MYOCD: variants seen among roughly 807,000 people sequenced by gnomAD.
MYOCD encodes myocardin.
MYOCD carries 32 observed loss-of-function variants against 96.1 expected under a neutral mutation model. The observed-to-expected ratio is 0.33, with a 90% CI of 0.25 to 0.45. The LOEUF is 0.45. Among genes scored for constraint, MYOCD ranks in the 20% least tolerant of loss-of-function variants. The pLI, the probability that MYOCD is intolerant of heterozygous loss-of-function variation, is 1.00. For synonymous variants in MYOCD, 469 were observed against 469.0 expected (o/e 1.00, Z 0.00); for missense variants, 1,133 against 1,200.6 (o/e 0.94, Z 0.83).
chr17:12,717,470 C>G, intron 4 of MYOCD, 49 bp downstream of exon 4: 1 of 1,450,454 alleles, frequency 6.9e-7, no homozygotes, highest in Non-Finnish European at 9.7e-7. Context: ...GAATGGTGGG[C>G]CATTTTCCCA....
At chr17:12,699,717 G>C (rs2030965514) in intron 1 of MYOCD, among the ~76,000 whole-genome samples, 1 of 152,048 alleles carries the variant, frequency 6.6e-6, no homozygotes, top group African/African-American at 2.4e-5. Flanking sequence ...AATTAAAGGA[G>C]CTTAAATTTG....
Position 12,760,643 on chromosome 17 carries a change from G to C in MYOCD, c.2332-7G>C, listed in dbSNP as rs751872341. ...TTGTCTGTCCTCCTTTGGTTAATTT[G>C]TAATAGCAAATGACCCGGAGTCAGC... On this transcript the variant is annotated splice_polypyrimidine_tract_variant and splice_region_variant and intron_variant, in intron 12 of 13. Coordinates refer to ENST00000425538, the MANE Select transcript of MYOCD (RefSeq NM_001146312.3). 2.5e-6 allele frequency: 4 copies of C among 1,613,280 alleles called. No homozygotes were observed. In the East Asian group the frequency reaches 6.7e-5, roughly 27 times the overall value.
intron 5 of MYOCD, among the ~76,000 whole-genome samples, chr17:12,732,554 A>G (rs35712872): frequency 0.2 from 30,208 of 152,032 alleles, 3,428 homozygotes; most frequent in Middle Eastern, 0.29. Flanking sequence ...AGATACAAGG[A>G]TCTCCTTTCT....
At chr17:12,688,807 C>G (rs1266290272) in intron 1 of MYOCD, among the ~76,000 whole-genome samples, 2 of 151,802 alleles carry the variant, frequency 1.3e-5, no homozygotes, top group African/African-American at 2.4e-5. Context: ...CCCTGGGTGG[C>G]AGCCCATGAT....
intron 1 of MYOCD, among the ~76,000 whole-genome samples, chr17:12,704,403 T>C (rs1446400555): frequency 6.6e-6 from 1 of 152,224 alleles, no homozygotes; most frequent in East Asian, 1.9e-4. Flanking sequence ...ATGATATGTA[T>C]AATCTATTTG....
chr17:12,754,402 G>A (rs1186041837), intron 10 of MYOCD, among the ~76,000 whole-genome samples: 4 of 152,176 alleles, frequency 2.6e-5, no homozygotes, highest in South Asian at 4.1e-4. Flanking sequence ...ATGCCCAGCC[G>A]GAAATTTGCA....
chr17:12,749,683 A>G (rs1363820910), intron 9 of MYOCD, among the ~76,000 whole-genome samples: 4 of 148,314 alleles, frequency 2.7e-5, no homozygotes, highest in Non-Finnish European at 4.5e-5. Flanking sequence ...ATACACATAC[A>G]TATGTGTATA....
At position 12,736,992 on chromosome 17, in the gene MYOCD, C is replaced by T. The variant is rs532890168; in HGVS notation, c.591+656C>T. On this transcript the variant is annotated intron_variant, in intron 6 of 13. Transcript: ENST00000425538. ...ATTATGGGCTGGGCACGGTGGCTCA[C>T]GCCTGCAATCCCGGCACTTTGGGAG... Among the ~76,000 whole-genome samples, 325 of 152,344 alleles carry T rather than the reference C, an allele frequency of 2.1e-3. 3 individuals are homozygous for T. The highest frequency in any genetic ancestry group is 7.5e-3 in the African/African-American group (311 of 41,574).
rs1359841881 is a variant in MYOCD, at chr17:12,697,357, ATATTTT to A, written c.56-7769_56-7764del. On this transcript the variant is annotated intron_variant, in intron 1 of 13. Transcript: ENST00000425538. Reference sequence around the variant, plus strand: ...GGAGTATATATATATATATATATATATATTTTTTTTTTTTTTTTTTTTTGAGACGGG... The same window carrying A: ...GGAGTATATATATATATATATATATATTTTTTTTTTTTTTTTTGAGACGGG... Among the ~76,000 whole-genome samples, 84 of 86,968 alleles carry A rather than the reference ATATTTT, an allele frequency of 9.7e-4. No homozygotes were observed. In the East Asian group the frequency reaches 0.011, roughly 11 times the overall value. The allele number at this position is 86,968 out of a possible 152,430, so 57.1% of individuals were successfully genotyped here.
chr17:12,721,135 A>T (rs1018750751), intron 4 of MYOCD, among the ~76,000 whole-genome samples: 1 of 151,320 alleles, frequency 6.6e-6, no homozygotes, highest in Non-Finnish European at 1.5e-5. Flanking sequence ...GACAATGAGG[A>T]CACAGTAATG....
chr17:12,666,155 T>C lies in MYOCD; in HGVS notation c.-34T>C. On this transcript the variant is annotated 5_prime_UTR_variant, in exon 1 of 14. Transcript: ENST00000425538. ...TTGCTGGTGGAGAACAGGGGGCGCC[T>C]GGCCAAGGGACCAGCGGCTTGCTGA... 1 of 1,597,386 alleles carries C rather than the reference T, an allele frequency of 6.3e-7. No individual in the cohort carries two copies. The highest frequency in any genetic ancestry group is 8.6e-7 in the Non-Finnish European group (1 of 1,165,516).
Position 12,763,540 on chromosome 17 carries a change from A to G in MYOCD, c.2857A>G (p.Ser953Gly), listed in dbSNP as rs765830727. The change falls in exon 14 of 14, where the codon AGC (serine) becomes GGC (glycine). Residue 953 changes from serine (S) to glycine (G), a missense_variant. Coordinates refer to ENST00000425538, the MANE Select transcript of MYOCD (RefSeq NM_001146312.3). ...TCCGCCAAATTCCACACCAGGCTTT[A>G]GCGCCCTCACCACCAGCAGCCCCAG... is the stretch of plus-strand genomic sequence containing the variant. ...LTPPNSTPGF[S>G]ALTTSSPSIF... The G allele has an allele frequency of 6.8e-6, 11 of 1,614,174 alleles. No homozygotes were observed. The East Asian group carries it at 2.5e-4, about 36-fold the overall frequency.
At position 12,752,713 on chromosome 17, in the gene MYOCD, C is replaced by A; in HGVS notation, c.1425C>A (p.Phe475Leu). Residue 475 changes from phenylalanine (F) to leucine (L), a missense_variant, in exon 10 of 14, where the codon TTC becomes TTA. Transcript: ENST00000425538. ...LSVAGSLPDT[F>L]NDASPSFGLH... is the part of the protein sequence containing the mutation. Reference sequence around the variant, plus strand: ...TCGCTGGGTCCCTGCCGGACACCTTCAATGATGCCTCCCCCTCCTTCGGCC... The same window carrying A: ...TCGCTGGGTCCCTGCCGGACACCTTAAATGATGCCTCCCCCTCCTTCGGCC... The A allele has an allele frequency of 6.2e-7, 1 of 1,614,220 alleles. No individual in the cohort carries two copies.
intron 11 of MYOCD, 82 bp downstream of exon 11, chr17:12,756,639 T>TG: frequency 2.2e-6 from 3 of 1,334,520 alleles, no homozygotes; most frequent in Non-Finnish European, 3.0e-6. Flanking sequence ...GAAGTTGCAG[T>TG]GAGCCGAGAT....
At chr17:12,734,957 G>A (rs192229392) in intron 5 of MYOCD, among the ~76,000 whole-genome samples, 5 of 152,324 alleles carry the variant, frequency 3.3e-5, no homozygotes, top group African/African-American at 7.2e-5. Context: ...CGCCCCATGG[G>A]CCTGTGACTG....
At chr17:12,749,709 G>GTATATATACACATATATGTA (rs1555535137) in intron 9 of MYOCD, among the ~76,000 whole-genome samples, 1 of 139,220 alleles carries the variant, frequency 7.2e-6, no homozygotes, top group Admixed American at 7.4e-5. Context: ...ATACATATGT[G>GTATATATACACATATATGTA]TATATATATG....
chr17:12,717,421 G>T lies in MYOCD; in HGVS notation c.253G>T (p.Ala85Ser). ...CTTGGTTAATATGCACATACTCCAAGGTAAGGCTGCAAGAAATCAGACACC... is the reference window on the plus strand; with the variant it reads ...CTTGGTTAATATGCACATACTCCAATGTAAGGCTGCAAGAAATCAGACACC... ...ADLVNMHILQASTAERSIPTA... is the reference protein window; with the variant it reads ...ADLVNMHILQSSTAERSIPTA... Residue 85 changes from alanine (A) to serine (S), a missense_variant and splice_region_variant, in exon 4 of 14, where the codon GCT becomes TCT. By Grantham distance (99) the Ala-to-Ser change is moderately conservative. Transcript: ENST00000425538. 1 of 1,612,820 alleles carries T rather than the reference G, an allele frequency of 6.2e-7. No homozygotes were observed. The highest frequency in any genetic ancestry group is 8.5e-7 in the Non-Finnish European group (1 of 1,179,190).
chr17:12,746,509 TA>T (rs546785975), intron 9 of MYOCD, among the ~76,000 whole-genome samples: 106 of 152,198 alleles, frequency 7.0e-4, no homozygotes, highest in African/African-American at 2.3e-3. Flanking sequence ...TATTTCTAGA[TA>T]AGAGTAAGAC....
In MYOCD at chr17:12,745,991, T is replaced by A; in HGVS notation, c.1044T>A (p.Pro348=). 6.2e-7 allele frequency: 1 copy of A among 1,614,248 alleles called. No individual in the cohort carries two copies. The highest frequency in any genetic ancestry group is 2.2e-5 in the East Asian group (1 of 44,894). The change falls in exon 9 of 14, where the codon CCT becomes CCA. Residue 348 remains proline, a synonymous_variant. Transcript: ENST00000425538. ...STPLSNTPLS[P]VKNSFSGQTG... ...CACTGAGCAATACCCCCTTGTCTCCTGTCAAAAACAGTTTTTCTGGACAAA... is the reference window on the plus strand; with the variant it reads ...CACTGAGCAATACCCCCTTGTCTCCAGTCAAAAACAGTTTTTCTGGACAAA...
Sources: allele counts gnomAD v4.1 joint callset (sites outside exome capture counted in the v4.1 genomes callset), GRCh38; gene constraint gnomAD v4.1.1; transcripts MANE v1.5; gene names NCBI Gene and HGNC (gene_info 2026-07-23, HGNC 2026-07-21).